MECOM: variants seen among roughly 807,000 people sequenced by gnomAD.
MECOM encodes histone-lysine N-methyltransferase MECOM.
In MECOM, 13 loss-of-function variants were observed where a neutral mutation model predicts 116.3. The observed-to-expected ratio is 0.11, with a 90% CI of 0.07 to 0.18. MECOM has a LOEUF of 0.18. MECOM is among the 10% of genes least tolerant of loss of function. MECOM has a pLI of 1.00. For synonymous variants in MECOM, 528 were observed against 535.2 expected, an observed-to-expected ratio of 0.99 and a Z score of 0.19; for missense variants, 1,299 against 1,509.0, an observed-to-expected ratio of 0.86 and a Z score of 2.31.
intron 1 of MECOM, among the ~76,000 whole-genome samples, chr3:169,642,769 C>G (rs1773664843): frequency 6.7e-6 from 1 of 148,508 alleles, no homozygotes; most frequent in Admixed American, 6.8e-5. Flanking sequence ...CTCTCATGCT[C>G]CCTTCCCCTA....
chr3:169,426,083 A>T (rs1740623850), intron 1 of MECOM, among the ~76,000 whole-genome samples: 1 of 152,142 alleles, frequency 6.6e-6, no homozygotes, highest in South Asian at 2.1e-4. Context: ...ATACTTTTCT[A>T]TCTGAAAAAT....
chr3:169,313,966 C>T (rs16853481), intron 2 of MECOM, among the ~76,000 whole-genome samples: 29,129 of 152,198 alleles, frequency 0.19, 4,324 homozygotes, highest in East Asian at 0.45. Context: ...TATCAAGTCA[C>T]AGAACTTTTG....
intron 3 of MECOM, among the ~76,000 whole-genome samples, chr3:169,136,132 C>G (rs1016201052): frequency 2.6e-5 from 4 of 151,650 alleles, no homozygotes; most frequent in Non-Finnish European, 4.4e-5. Flanking sequence ...AGCTAATACT[C>G]ACAAGGCTAA....
intron 2 of MECOM, among the ~76,000 whole-genome samples, chr3:169,183,024 T>C (rs1029096460): frequency 6.6e-6 from 1 of 152,172 alleles, no homozygotes; most frequent in African/African-American, 2.4e-5. Flanking sequence ...GCGAGTTAAT[T>C]AACCTTGCTG....
chr3:169,140,422 G>T (rs546784893), intron 3 of MECOM, among the ~76,000 whole-genome samples: 11 of 152,056 alleles, frequency 7.2e-5, no homozygotes, highest in African/African-American at 1.9e-4. Context: ...TAGTGTCTTT[G>T]GTATAGCTTC....
intron 2 of MECOM, among the ~76,000 whole-genome samples, chr3:169,325,198 T>C (rs1327228609): frequency 6.6e-6 from 1 of 152,084 alleles, no homozygotes; most frequent in Non-Finnish European, 1.5e-5. Context: ...CAGCTACGGG[T>C]CCGCTTGTTT....
intron 2 of MECOM, among the ~76,000 whole-genome samples, chr3:169,367,013 GC>G (rs1288605336): frequency 5.9e-5 from 9 of 152,076 alleles, no homozygotes; most frequent in Admixed American, 3.3e-4. Flanking sequence ...TGCGCACTGT[GC>G]CCCCAGGAAG....
intron 6 of MECOM, 48 bp from the exon 7 acceptor site, chr3:169,121,257 A>G (rs1179515712): frequency 6.6e-7 from 1 of 1,526,284 alleles, no homozygotes; most frequent in African/African-American, 1.4e-5. Context: ...ACTCAAGGGC[A>G]CAATAAAGAA....
chr3:169,591,315 T>C (rs944395816), intron 1 of MECOM, among the ~76,000 whole-genome samples: 1 of 152,214 alleles, frequency 6.6e-6, no homozygotes, highest in Non-Finnish European at 1.5e-5. Context: ...TAAGTTATAA[T>C]GTGGGTTTAG....
chr3:169,201,103 G>C (rs1394212634), intron 2 of MECOM, among the ~76,000 whole-genome samples: 4 of 152,248 alleles, frequency 2.6e-5, no homozygotes, highest in African/African-American at 7.2e-5. Flanking sequence ...CGTCTTTCAA[G>C]TGTGTCCTAT....
Position 169,610,429 on chromosome 3 carries a change from C to T in MECOM, c.37+52907G>A, listed in dbSNP as rs9873332. ...CATGTGACATGCTCTTGTCTAAGCA[C>T]TTTGAAAGTGTTGACCAATTTAATC... On this transcript the variant is annotated intron_variant, in intron 1 of 16. Coordinates refer to ENST00000651503, the MANE Select transcript of MECOM (RefSeq NM_004991.4). 5.3e-3 allele frequency among the ~76,000 whole-genome samples: 804 copies of T among 152,080 alleles called. 8 individuals carry two copies. Among genetic ancestry groups the T allele is most frequent in the African/African-American group, 0.018 (750 of 41,476 alleles).
chr3:169,359,102 T>C (rs769157061), intron 2 of MECOM, among the ~76,000 whole-genome samples: 2 of 151,798 alleles, frequency 1.3e-5, no homozygotes, highest in Non-Finnish European at 3.0e-5. Flanking sequence ...TAATTTTGCC[T>C]TTCTTTACAA....
At chr3:169,606,680 C>T (rs1768610128) in intron 1 of MECOM, among the ~76,000 whole-genome samples, 1 of 152,138 alleles carries the variant, frequency 6.6e-6, no homozygotes, top group Non-Finnish European at 1.5e-5. Flanking sequence ...TCTGCAAGAA[C>T]ATTCAGGGTT....
intron 14 of MECOM, among the ~76,000 whole-genome samples, chr3:169,091,314 T>A (rs1719645200): frequency 6.6e-6 from 1 of 152,112 alleles, no homozygotes; most frequent in East Asian, 1.9e-4. Context: ...TTACAGAGAA[T>A]AAATTATTCA....
intron 1 of MECOM, among the ~76,000 whole-genome samples, chr3:169,602,476 T>C (rs1767948265): frequency 6.6e-6 from 1 of 152,190 alleles, no homozygotes; most frequent in Non-Finnish European, 1.5e-5. Flanking sequence ...TCAGCACTAT[T>C]GGCATTTTGG....
intron 1 of MECOM, among the ~76,000 whole-genome samples, chr3:169,622,477 A>G (rs1024688452): frequency 4.6e-5 from 7 of 152,204 alleles, no homozygotes; most frequent in African/African-American, 1.7e-4. Context: ...CTAAGACCCC[A>G]CTTACTTTGG....
chr3:169,162,468 TG>T (rs1230671498), intron 2 of MECOM, among the ~76,000 whole-genome samples: 1 of 152,056 alleles, frequency 6.6e-6, no homozygotes, highest in Non-Finnish European at 1.5e-5. Flanking sequence ...AGAAGGGAGA[TG>T]GATAAAGGAT....
At chr3:169,138,366 A>G (rs1372143191) in intron 3 of MECOM, among the ~76,000 whole-genome samples, 1 of 152,160 alleles carries the variant, frequency 6.6e-6, no homozygotes, top group African/African-American at 2.4e-5. Context: ...GTATTGTTAC[A>G]TGAAGGAAAC....
chr3:169,193,458 A>AT (rs1309954367), intron 2 of MECOM, among the ~76,000 whole-genome samples: 6 of 151,374 alleles, frequency 4.0e-5, no homozygotes, highest in African/African-American at 9.7e-5. Flanking sequence ...TGATCTTTGG[A>AT]TTTTTTTTTC....
Sources: gnomAD v4.1 joint callset for allele counts (sites outside exome capture counted in the v4.1 genomes callset) on GRCh38, gnomAD v4.1.1 for gene constraint, MANE v1.5 for transcripts, NCBI Gene and HGNC (gene_info 2026-07-23, HGNC 2026-07-21) for gene names.